GNPTAB: variants seen among roughly 807,000 people sequenced by gnomAD.
GNPTAB encodes the protein N-acetylglucosamine-1-phosphate transferase subunits alpha and beta, also known as N-acetylglucosamine-1-phosphotransferase subunits alpha/beta.
In GNPTAB, 92 loss-of-function variants were observed where a neutral mutation model predicts 136.6. The ratio of observed to expected loss-of-function variants is 0.67; its 90% confidence interval spans 0.57 to 0.80. The LOEUF (loss-of-function observed/expected upper bound fraction) is 0.80, where lower values mean the gene tolerates loss of function less well. GNPTAB is among the 30% of genes least tolerant of loss of function. The probability of loss-of-function intolerance (pLI) is 0.00; values close to 1 mark genes in which losing one functional copy is unlikely to be tolerated. For synonymous variants in GNPTAB, 512 were observed against 535.1 expected (o/e 0.96, Z 0.60); for missense variants, 1,343 against 1,501.8 (o/e 0.89, Z 1.75).
At position 101,770,583 on chromosome 12, in the gene GNPTAB, A is replaced by G. The variant is rs1365045126; in HGVS notation, c.936T>C (p.Ser312=). The G allele has an allele frequency of 6.2e-7, 1 of 1,610,514 alleles. No individual in the cohort carries two copies. Among genetic ancestry groups the G allele is most frequent in the Non-Finnish European group, 8.5e-7 (1 of 1,176,868 alleles). The part of the protein sequence containing the change: ...LLWDLSAISQ[S]KQDEDISASR... ...TGGCAGAGATGTCTTCATCCTGCTTAGACTGAGAAAAACACTTGGCATATG... is the reference window on the plus strand; with the variant it reads ...TGGCAGAGATGTCTTCATCCTGCTTGGACTGAGAAAAACACTTGGCATATG... The change falls in exon 9 of 21, where the codon TCT becomes TCC. Residue 312 remains serine (S), a splice_region_variant and synonymous_variant. Coordinates refer to ENST00000299314, the MANE Select transcript of GNPTAB (RefSeq NM_024312.5).
chr12:101,815,736 G>A (rs1311806099), intron 1 of GNPTAB, among the ~76,000 whole-genome samples: 6 of 151,956 alleles, frequency 3.9e-5, no homozygotes, highest in African/African-American at 1.2e-4. Flanking sequence ...AATAGGCAAA[G>A]CAATCCTGAA....
chr12:101,788,374 A>G (rs554671594), intron 4 of GNPTAB, among the ~76,000 whole-genome samples, 174 bp downstream of exon 4: 1 of 152,358 alleles, frequency 6.6e-6, no homozygotes, highest in East Asian at 1.9e-4. Context: ...TTCTCAGTCA[A>G]CTATGCACTC....
At chr12:101,779,900 G>A in intron 7 of GNPTAB, 1 of 511,344 alleles carries the variant, frequency 2.0e-6, no homozygotes, top group South Asian at 2.1e-5. Context: ...ACTTGGATGG[G>A]AGACATTGTA....
intron 7 of GNPTAB, among the ~76,000 whole-genome samples, chr12:101,771,549 T>G (rs1385635678): frequency 6.6e-6 from 1 of 152,210 alleles, no homozygotes; most frequent in African/African-American, 2.4e-5. Flanking sequence ...TGGCCTGATC[T>G]TTAATCTTGA....
At chr12:101,790,917 T>A (rs1219601070) in intron 2 of GNPTAB, among the ~76,000 whole-genome samples, 1 of 151,728 alleles carries the variant, frequency 6.6e-6, no homozygotes, top group Non-Finnish European at 1.5e-5. Context: ...TTTTGTAACA[T>A]ATTAAATAAT....
chr12:101,785,749 A>T (rs1324171491), intron 5 of GNPTAB: 1 of 427,254 alleles, frequency 2.3e-6, no homozygotes, highest in East Asian at 4.5e-5. Flanking sequence ...CAGAGCCAAG[A>T]GAACAAGGTA....
chr12:101,780,033 C>G (rs1159462014), intron 7 of GNPTAB, 119 bp downstream of exon 7: 1 of 985,546 alleles, frequency 1.0e-6, no homozygotes, highest in East Asian at 2.4e-5. Context: ...GAACAGAATC[C>G]CTCTTTGCTT....
chr12:101,759,938 G>A (rs752296270), intron 16 of GNPTAB, 92 bp downstream of exon 16: 144 of 800,218 alleles, frequency 1.8e-4, no homozygotes, highest in Non-Finnish European at 2.7e-4. Flanking sequence ...AGAGCCTGCT[G>A]CTAGTTCTGA....
chr12:101,766,314 G>A lies in GNPTAB; in HGVS notation c.1409-20C>T. ...TGTTTCCTGTAGATCGGAGGAAGAA[G>A]AGGGATTCTTGCTGTAATTACAATT... On this transcript the variant is annotated intron_variant, in intron 11 of 20. Coordinates refer to ENST00000299314, the MANE Select transcript of GNPTAB (RefSeq NM_024312.5). The A allele has an allele frequency of 1.3e-6, 2 of 1,595,840 alleles. No individual in the cohort carries two copies. Among genetic ancestry groups the A allele is most frequent in the South Asian group, 2.2e-5 (2 of 90,650 alleles).
intron 7 of GNPTAB, among the ~76,000 whole-genome samples, chr12:101,774,936 T>A (rs1953238162): frequency 6.6e-6 from 1 of 152,152 alleles, no homozygotes; most frequent in South Asian, 2.1e-4. Context: ...AATCATGATA[T>A]CAAACTGGTC....
intron 3 of GNPTAB, among the ~76,000 whole-genome samples, chr12:101,789,461 G>A (rs1015615940): frequency 2.0e-5 from 3 of 151,148 alleles, no homozygotes; most frequent in Non-Finnish European, 4.4e-5. Flanking sequence ...TGTACCCACA[G>A]GACTATGTGT....
At chr12:101,797,000 CAA>C (rs1374607863) in intron 1 of GNPTAB, among the ~76,000 whole-genome samples, 1 of 151,984 alleles carries the variant, frequency 6.6e-6, no homozygotes, top group Non-Finnish European at 1.5e-5. Context: ...GTAGCGGAAT[CAA>C]AGAGGTTTAA....
Position 101,781,530 on chromosome 12 carries a change from C to T in GNPTAB, c.572-909G>A, listed in dbSNP as rs373759020. Among the ~76,000 whole-genome samples, 178 of 152,074 alleles carry T rather than the reference C, an allele frequency of 1.2e-3. 3 individuals carry two copies. Among genetic ancestry groups the T allele is most frequent in the African/African-American group, 4.1e-3 (172 of 41,512 alleles). ...AAAACAAACAAACAAACAAAAAACA[C>T]AAAAACTAGCCGAGTGTGGTGGTGT... On this transcript the variant is annotated intron_variant, in intron 5 of 20. Transcript: ENST00000299314.
chr12:101,796,791 T>C, intron 1 of GNPTAB, 29 bp from the exon 2 acceptor site: 1 of 1,415,810 alleles, frequency 7.1e-7, no homozygotes, highest in East Asian at 2.3e-5. Flanking sequence ...AACGTTTTCT[T>C]CGCATCAAAG....
chr12:101,753,472 G>A lies in GNPTAB; in HGVS notation c.3502C>T (p.Leu1168Phe). 1 of 1,613,254 alleles carries A rather than the reference G, an allele frequency of 6.2e-7. No homozygotes were observed. Among genetic ancestry groups the A allele is most frequent in the Non-Finnish European group, 8.5e-7 (1 of 1,179,236 alleles). ...AACATGGATTCATAGAAGTCCCTGA[G>A]AACAGCCTTCACTGTCTGAGCATCT... ...HKDAQTVKAV[L>F]RDFYESMFPI... Residue 1168 changes from leucine to phenylalanine, a missense_variant, in exon 19 of 21, where the codon CTC becomes TTC. Coordinates refer to ENST00000299314, the MANE Select transcript of GNPTAB (RefSeq NM_024312.5).
rs746886323 is a variant in GNPTAB, at chr12:101,786,163, G to A, written c.420C>T (p.Val140=). The A allele has an allele frequency of 1.9e-6, 3 of 1,613,962 alleles. No homozygotes were observed. The highest frequency in any genetic ancestry group is 2.5e-6 in the Non-Finnish European group (3 of 1,179,966). ...TGTTGGCTGGCAGGGCTGGGTCCAG[G>A]ACAAGCATTGGCACCTTAATGCAGT... ...LTHCIKVPML[V]LDPALPANIT... The change falls in exon 5 of 21, where the codon GTC becomes GTT. Residue 140 remains valine (V), a synonymous_variant. Coordinates refer to ENST00000299314, the MANE Select transcript of GNPTAB (RefSeq NM_024312.5).
chr12:101,757,545 CAAAGGGAGT>C lies in GNPTAB; in HGVS notation c.3335+18_3335+26del. 9.2e-7 allele frequency: 1 copy of C among 1,086,200 alleles called. No homozygotes were observed. The allele number at this position is 1,086,200 out of a possible 1,614,324, so 67.3% of individuals were successfully genotyped here. On this transcript the variant is annotated intron_variant, in intron 17 of 20. Coordinates refer to ENST00000299314, the MANE Select transcript of GNPTAB (RefSeq NM_024312.5). ...CCTTTGTGATTACTCTTATACTAAA[CAAAGGGAGT>C]ATGCGTGTACTACTTACCTATATTT... is the stretch of plus-strand genomic sequence containing the variant.
At chr12:101,768,273 T>A in intron 10 of GNPTAB, 113 bp from the exon 11 acceptor site, 1 of 1,201,776 alleles carries the variant, frequency 8.3e-7, no homozygotes. Context: ...GATTAAAATT[T>A]TCAAAGGGCT....
At chr12:101,771,246 CTTTTTTT>C (rs367687458) in intron 7 of GNPTAB, 89 bp from the exon 8 acceptor site, 8 of 877,594 alleles carry the variant, frequency 9.1e-6, no homozygotes, top group Non-Finnish European at 1.4e-5. Context: ...TTAATCTTTC[CTTTTTTT>C]TTTTTTTTTG....
Sources: gnomAD v4.1 joint callset for allele counts (sites outside exome capture counted in the v4.1 genomes callset) on GRCh38, gnomAD v4.1.1 for gene constraint, MANE v1.5 for transcripts, NCBI Gene and HGNC (gene_info 2026-07-23, HGNC 2026-07-21) for gene names.